Variants in MBOAT2 observed in about 807,000 individuals in gnomAD.
The protein encoded by MBOAT2 is membrane-bound glycerophospholipid O-acyltransferase 2.
Under a neutral mutation model 63.4 loss-of-function variants are expected in MBOAT2, and 28 were observed. The observed-to-expected ratio is 0.44, with a 90% CI of 0.33 to 0.61. The LOEUF is 0.61. Ranked by LOEUF, MBOAT2 falls within the 20% of genes least tolerant of loss-of-function variation. MBOAT2 has a pLI of 0.03. For missense variants in MBOAT2, 470 were observed against 605.8 expected (o/e 0.78, Z 2.35); for synonymous variants, 211 against 215.6 (o/e 0.98, Z 0.19).
intron 1 of MBOAT2, among the ~76,000 whole-genome samples, chr2:8,993,132 T>G (rs1390531392): frequency 6.6e-6 from 1 of 152,210 alleles, no homozygotes; most frequent in Non-Finnish European, 1.5e-5. Context: ...TCATAAAGCT[T>G]CTTTTTCCAA....
intron 3 of MBOAT2, among the ~76,000 whole-genome samples, chr2:8,934,249 T>C (rs757034296): frequency 5.3e-5 from 8 of 152,208 alleles, no homozygotes; most frequent in Non-Finnish European, 1.0e-4. Context: ...CACCAACACC[T>C]ACAACCCCTG....
chr2:8,873,315 G>A lies in MBOAT2; in HGVS notation c.691-15C>T. ...ACAACCGCAGTCTGAAAAGCGCAAG[G>A]CGAGACTTCATCAACTTTATCCATG... On this transcript the variant is annotated splice_polypyrimidine_tract_variant and intron_variant, in intron 7 of 12. Transcript: ENST00000305997. 6.2e-7 allele frequency: 1 copy of A among 1,607,266 alleles called. No homozygotes were observed. Among genetic ancestry groups the A allele is most frequent in the Non-Finnish European group, 8.5e-7 (1 of 1,175,690 alleles).
chr2:8,913,909 C>G (rs973087150), intron 3 of MBOAT2, among the ~76,000 whole-genome samples: 3 of 152,176 alleles, frequency 2.0e-5, no homozygotes, highest in Non-Finnish European at 4.4e-5. Flanking sequence ...ATTGCAAAAT[C>G]GTGGAACCAA....
At chr2:8,900,897 T>C (rs1160357789) in intron 4 of MBOAT2, among the ~76,000 whole-genome samples, 2 of 152,142 alleles carry the variant, frequency 1.3e-5, no homozygotes, top group East Asian at 3.9e-4. Flanking sequence ...GGCCAGGCTG[T>C]AGTGCAGAAA....
chr2:8,936,669 C>T (rs899965115), intron 3 of MBOAT2, among the ~76,000 whole-genome samples: 1 of 151,134 alleles, frequency 6.6e-6, no homozygotes, highest in Non-Finnish European at 1.5e-5. Flanking sequence ...GTAATCGCAG[C>T]TACTTGGGAG....
intron 1 of MBOAT2, among the ~76,000 whole-genome samples, chr2:8,968,869 TG>T (rs1371632148): frequency 9.2e-5 from 14 of 152,090 alleles, no homozygotes; most frequent in African/African-American, 3.4e-4. Context: ...CCAAGAAATA[TG>T]GGACTATGTG....
chr2:8,980,060 T>C (rs1388398861), intron 1 of MBOAT2, among the ~76,000 whole-genome samples: 1 of 152,164 alleles, frequency 6.6e-6, no homozygotes. Context: ...AGGCAGCAAT[T>C]GTGAATCATA....
intron 1 of MBOAT2, among the ~76,000 whole-genome samples, chr2:8,994,414 G>A (rs139091586): frequency 3.9e-5 from 6 of 152,322 alleles, no homozygotes; most frequent in East Asian, 1.9e-4. Context: ...GGAGAGGGGC[G>A]AGGACCCCGC....
At chr2:8,955,123 C>T (rs555357025) in intron 2 of MBOAT2, among the ~76,000 whole-genome samples, 1 of 152,310 alleles carries the variant, frequency 6.6e-6, no homozygotes, top group South Asian at 2.1e-4. Flanking sequence ...AGAGCAGGTG[C>T]TCTAATCTCT....
chr2:8,935,147 A>G (rs1667572662), intron 3 of MBOAT2, among the ~76,000 whole-genome samples: 1 of 152,196 alleles, frequency 6.6e-6, no homozygotes, highest in East Asian at 1.9e-4. Context: ...CCTAAGAGGA[A>G]GAAAAGCAAG....
chr2:8,994,809 A>G (rs1174407803), intron 1 of MBOAT2, among the ~76,000 whole-genome samples: 2 of 152,244 alleles, frequency 1.3e-5, no homozygotes, highest in African/African-American at 4.8e-5. Context: ...GCTTTAGCTG[A>G]CTATTGAAAA....
chr2:8,972,418 G>C (rs1670518472), intron 1 of MBOAT2, among the ~76,000 whole-genome samples: 1 of 152,132 alleles, frequency 6.6e-6, no homozygotes, highest in Non-Finnish European at 1.5e-5. Context: ...AAAAACCCTA[G>C]AAGAAAACCT....
intron 3 of MBOAT2, among the ~76,000 whole-genome samples, chr2:8,935,329 C>T (rs1667583315): frequency 6.6e-6 from 1 of 152,208 alleles, no homozygotes; most frequent in Admixed American, 6.5e-5. Flanking sequence ...CTCACAAATA[C>T]TCATTTGATA....
intron 12 of MBOAT2, among the ~76,000 whole-genome samples, chr2:8,859,841 T>C (rs1661365295): frequency 6.6e-6 from 1 of 152,142 alleles, no homozygotes; most frequent in African/African-American, 2.4e-5. Flanking sequence ...ATCACCACAG[T>C]ATCAATCAAA....
chr2:8,923,502 C>T (rs952272415), intron 3 of MBOAT2, among the ~76,000 whole-genome samples: 1 of 152,136 alleles, frequency 6.6e-6, no homozygotes, highest in African/African-American at 2.4e-5. Flanking sequence ...AACCGGAGCA[C>T]CCTTAATTTG....
chr2:8,981,114 T>C (rs745443122), intron 1 of MBOAT2, among the ~76,000 whole-genome samples: 7 of 152,168 alleles, frequency 4.6e-5, no homozygotes, highest in Non-Finnish European at 1.0e-4. Flanking sequence ...ATGATTCCAC[T>C]TACACGAAAC....
At chr2:8,951,926 A>G (rs1268034546) in intron 2 of MBOAT2, among the ~76,000 whole-genome samples, 1 of 152,146 alleles carries the variant, frequency 6.6e-6, no homozygotes, top group Non-Finnish European at 1.5e-5. Flanking sequence ...AATTTCATTC[A>G]GTTCAGCTCT....
At chr2:8,973,757 TA>T (rs1461232660) in intron 1 of MBOAT2, among the ~76,000 whole-genome samples, 4 of 151,996 alleles carry the variant, frequency 2.6e-5, no homozygotes, top group African/African-American at 9.7e-5. Context: ...AAACGGAAAT[TA>T]AAATCAAAGT....
chr2:8,863,510 T>C (rs7602916), intron 10 of MBOAT2, among the ~76,000 whole-genome samples: 3,930 of 152,226 alleles, frequency 0.026, 165 homozygotes, highest in African/African-American at 0.09. Context: ...CTGGCTTGCC[T>C]CTACCTTGCC....
Sources: gnomAD v4.1 joint callset for allele counts (sites outside exome capture counted in the v4.1 genomes callset) on GRCh38, gnomAD v4.1.1 for gene constraint, MANE v1.5 for transcripts, NCBI Gene and HGNC (gene_info 2026-07-23, HGNC 2026-07-21) for gene names.